Variants in BARX2 observed in about 807,000 individuals in gnomAD.
BARX2 encodes the protein homeobox protein BarH-like 2.
BARX2 carries 11 observed loss-of-function variants against 25.5 expected under a neutral mutation model. The observed-to-expected ratio is 0.43, with a 90% CI of 0.27 to 0.71. The LOEUF (loss-of-function observed/expected upper bound fraction) is 0.71, where lower values mean the gene tolerates loss of function less well. BARX2 is among the 30% of genes least tolerant of loss of function. The pLI, the probability that BARX2 is intolerant of heterozygous loss-of-function variation, is 0.19. For synonymous variants in BARX2, 137 were observed against 149.5 expected, an observed-to-expected ratio of 0.92 and a Z score of 0.61; for missense variants, 360 against 359.9, an observed-to-expected ratio of 1.00 and a Z score of 0.00.
At chr11:129,386,145 T>A (rs1414284683) in intron 1 of BARX2, among the ~76,000 whole-genome samples, 1 of 152,226 alleles carries the variant, frequency 6.6e-6, no homozygotes, top group Non-Finnish European at 1.5e-5. Context: ...CTGAGTTGGG[T>A]ACATGCTCTT....
intron 1 of BARX2, among the ~76,000 whole-genome samples, chr11:129,411,531 T>C (rs1457089258): frequency 1.3e-5 from 2 of 152,154 alleles, no homozygotes; most frequent in Non-Finnish European, 2.9e-5. Context: ...GGCTGGATGA[T>C]ATCAGGAAGA....
chr11:129,379,943 C>T lies in BARX2; in HGVS notation c.187+3721C>T, dbSNP rs191876068. 3.4e-3 allele frequency among the ~76,000 whole-genome samples: 518 copies of T among 152,006 alleles called. 4 individuals are homozygous for T. Among genetic ancestry groups the T allele is most frequent in the African/African-American group, 0.012 (494 of 41,462 alleles). ...TAACCTATAATCTAATTCTTTTCCCCTTCTCTGGCAGAATGGGTCTGTTGA... is the reference window on the plus strand; with the variant it reads ...TAACCTATAATCTAATTCTTTTCCCTTTCTCTGGCAGAATGGGTCTGTTGA... On this transcript the variant is annotated intron_variant, in intron 1 of 3. Transcript: ENST00000281437.
rs1005483070 is a variant in BARX2, at chr11:129,452,003, A to G, written c.*601A>G. The G allele has an allele frequency of 2.6e-5, 4 of 152,060 alleles. No individual in the cohort carries two copies. Among genetic ancestry groups the G allele is most frequent in the Non-Finnish European group, 2.9e-5 (2 of 68,046 alleles). 9.4% of individuals were successfully genotyped at this position (152,060 alleles called of 1,614,324 possible). A position where few individuals can be genotyped will look rare whatever the true frequency, so the allele number is the denominator to read the frequency against. Reference sequence around the variant, plus strand: ...CCTTTGTACCCATTATAAGATGGTCATAAGACCCAAGAACTGATAAGCTTT... The same window carrying G: ...CCTTTGTACCCATTATAAGATGGTCGTAAGACCCAAGAACTGATAAGCTTT... On this transcript the variant is annotated 3_prime_UTR_variant, in exon 4 of 4. Transcript: ENST00000281437.
Position 129,451,183 on chromosome 11 carries a change from CAAG to C in BARX2, c.627_629del (p.Lys209del). 1.2e-6 allele frequency: 2 copies of C among 1,614,082 alleles called. No homozygotes were observed. Among genetic ancestry groups the C allele is most frequent in the South Asian group, 1.1e-5 (1 of 91,066 alleles). The stretch of plus-strand genomic sequence containing the variant: ...CACCCACAAAACCCAAAGGTCGCCC[CAAG>C]AAGAACTCCATCCCCACATCAGAAG... On this transcript the variant is annotated inframe_deletion, in exon 4 of 4. Transcript: ENST00000281437.
chr11:129,452,151 A>T lies in BARX2; in HGVS notation c.*749A>T, dbSNP rs1361539925. The T allele has an allele frequency of 2.0e-5, 3 of 152,046 alleles. No homozygotes were observed. The highest frequency in any genetic ancestry group is 4.4e-5 in the Non-Finnish European group (3 of 67,998). 9.4% of individuals were successfully genotyped at this position (152,046 alleles called of 1,614,324 possible). A position where few individuals can be genotyped will look rare whatever the true frequency, so the allele number is the denominator to read the frequency against. ...CCTACTGCTCAAGGTCATCACCAAG[A>T]TCTGATTTTTCATAAAAAACATTTG... On this transcript the variant is annotated 3_prime_UTR_variant, in exon 4 of 4. Coordinates refer to ENST00000281437, the MANE Select transcript of BARX2 (RefSeq NM_003658.5).
intron 2 of BARX2, among the ~76,000 whole-genome samples, chr11:129,440,731 C>A (rs1266162509): frequency 6.6e-6 from 1 of 152,156 alleles, no homozygotes; most frequent in African/African-American, 2.4e-5. Context: ...GGCAACTGGG[C>A]AGCTGCACCT....
chr11:129,442,312 A>T (rs1015102530), intron 2 of BARX2, among the ~76,000 whole-genome samples: 1 of 152,096 alleles, frequency 6.6e-6, no homozygotes, highest in Non-Finnish European at 1.5e-5. Context: ...TGATCAGAGA[A>T]CAGCAGGAAA....
At chr11:129,421,704 G>C (rs547847755) in intron 1 of BARX2, among the ~76,000 whole-genome samples, 1 of 152,172 alleles carries the variant, frequency 6.6e-6, no homozygotes, top group African/African-American at 2.4e-5. Context: ...AGGTGCTCCG[G>C]TTTAATGACT....
intron 1 of BARX2, among the ~76,000 whole-genome samples, chr11:129,418,490 G>T (rs961410034): frequency 3.3e-5 from 5 of 152,192 alleles, no homozygotes; most frequent in Middle Eastern, 3.4e-3. Flanking sequence ...TCCCAGTCAG[G>T]GAGAAACCTC....
chr11:129,404,524 G>C (rs888470271), intron 1 of BARX2, among the ~76,000 whole-genome samples: 1 of 152,200 alleles, frequency 6.6e-6, no homozygotes, highest in African/African-American at 2.4e-5. Flanking sequence ...CTTTCAAATT[G>C]CTGGATAACC....
At chr11:129,399,013 G>A (rs1350450213) in intron 1 of BARX2, among the ~76,000 whole-genome samples, 1 of 152,184 alleles carries the variant, frequency 6.6e-6, no homozygotes, top group Non-Finnish European at 1.5e-5. Context: ...TGGAATTGCA[G>A]TTCAACGTAG....
Position 129,376,006 on chromosome 11 carries a change from C to T in BARX2, c.-30C>T. ...CGGGCCGGGCACTCGCAGCCGCGCT[C>T]GGGCCGGCGGACGCTCGCGCCGGCT... On this transcript the variant is annotated 5_prime_UTR_variant, in exon 1 of 4. Transcript: ENST00000281437. The surrounding 1 kb of genome is among the most constrained non-coding windows in gnomAD (Gnocchi z 4.2). 5 of 1,374,752 alleles carry T rather than the reference C, an allele frequency of 3.6e-6. No homozygotes were observed. Among genetic ancestry groups the T allele is most frequent in the East Asian group, 3.1e-5 (1 of 32,722 alleles). The allele number at this position is 1,374,752 out of a possible 1,614,324, so 85.2% of individuals were successfully genotyped here.
intron 1 of BARX2, among the ~76,000 whole-genome samples, chr11:129,421,355 T>C (rs1409141152): frequency 6.6e-6 from 1 of 152,206 alleles, no homozygotes; most frequent in Non-Finnish European, 1.5e-5. Context: ...AGAGGAACTC[T>C]CATTCTATCC....
chr11:129,436,956 G>T lies in BARX2; in HGVS notation c.393G>T (p.Lys131Asn), dbSNP rs1862198139. Residue 131 changes from lysine (K) to asparagine (N), a missense_variant, in exon 2 of 4, where the codon AAG becomes AAT. Around this residue, in one of 3 missense-constraint regions of BARX2, gnomAD observed 240 missense variants for 228.7 expected, o/e 1.05. Coordinates refer to ENST00000281437, the MANE Select transcript of BARX2 (RefSeq NM_003658.5). The surrounding 1 kb of genome is among the most constrained non-coding windows in gnomAD (Gnocchi z 4.5). ...CGGAACAGCCCACGCCCCGACAGAA[G>T]AAGCCCCGCCGGAGTCGCACCATCT... ...SETEQPTPRQ[K>N]KPRRSRTIFT... The T allele has an allele frequency of 1.2e-6, 2 of 1,612,262 alleles. No individual in the cohort carries two copies. Among genetic ancestry groups the T allele is most frequent in the South Asian group, 1.1e-5 (1 of 90,888 alleles).
upstream of BARX2, among the ~76,000 whole-genome samples, chr11:129,375,292 G>T (rs1207745710): frequency 6.6e-6 from 1 of 152,112 alleles, no homozygotes; most frequent in Non-Finnish European, 1.5e-5. This position sits in a 1 kb window ranked among gnomAD's most constrained non-coding sequence, Gnocchi z 4.0. Flanking sequence ...TCGGGAAACC[G>T]TCCACGCGGG....
At chr11:129,432,080 CTTA>C (rs1191253949) in intron 1 of BARX2, among the ~76,000 whole-genome samples, 2 of 151,500 alleles carry the variant, frequency 1.3e-5, no homozygotes, top group African/African-American at 2.4e-5. Flanking sequence ...TTTTATTTTA[CTTA>C]TTATTTATTT....
chr11:129,402,494 G>A (rs1464493547), intron 1 of BARX2, among the ~76,000 whole-genome samples: 1 of 152,108 alleles, frequency 6.6e-6, no homozygotes, highest in African/African-American at 2.4e-5. Flanking sequence ...GACTAGGCAG[G>A]CCGTTTAATA....
chr11:129,435,200 C>T (rs1375313262), intron 1 of BARX2, among the ~76,000 whole-genome samples: 1 of 152,176 alleles, frequency 6.6e-6, no homozygotes, highest in Non-Finnish European at 1.5e-5. Flanking sequence ...AATATCACTC[C>T]CAGGTGATTT....
intron 1 of BARX2, among the ~76,000 whole-genome samples, chr11:129,379,727 A>G (rs1301356596): frequency 6.6e-6 from 1 of 152,068 alleles, no homozygotes; most frequent in Non-Finnish European, 1.5e-5. Flanking sequence ...GGATTGTTAC[A>G]ATTACCCTAA....
Sources: gnomAD v4.1 joint callset for allele counts (sites outside exome capture counted in the v4.1 genomes callset) on GRCh38, gnomAD v4.1.1 for gene constraint, gnomAD v4.1.1 regional missense constraint, Gnocchi (gnomAD v3.1) non-coding constraint, MANE v1.5 for transcripts, NCBI Gene and HGNC (gene_info 2026-07-23, HGNC 2026-07-21) for gene names.